AFF2: variants seen among roughly 807,000 people sequenced by gnomAD.
AFF2 encodes AF4/FMR2 family member 2.
A neutral mutation model predicts 76.9 loss-of-function variants in AFF2; 14 were observed. The ratio of observed to expected loss-of-function variants is 0.18; its 90% CI spans 0.12 to 0.28. AFF2 has a LOEUF of 0.28. AFF2 is among the 10% of genes least tolerant of loss of function. The pLI is 1.00. For missense variants in AFF2, 868 were observed against 1,001.1 expected, an observed-to-expected ratio of 0.87 and a Z score of 1.79; for synonymous variants, 398 against 366.7, an observed-to-expected ratio of 1.09 and a Z score of -0.98.
intron 2 of AFF2, among the ~76,000 whole-genome samples, chrX:148,655,582 T>C (rs1385212676): frequency 8.9e-6 from 1 of 111,785 alleles, no homozygotes; most frequent in Middle Eastern, 4.3e-3. Flanking sequence ...GCCAAAACCT[T>C]TGTTCTTAAG....
intron 7 of AFF2, among the ~76,000 whole-genome samples, chrX:148,853,750 G>A (rs1465727273): frequency 8.9e-6 from 1 of 111,873 alleles, no homozygotes; most frequent in African/African-American, 3.3e-5. Context: ...TGCCAATGCT[G>A]TCAGAGAGCG....
intron 7 of AFF2, among the ~76,000 whole-genome samples, chrX:148,855,688 C>A (rs1180801219): frequency 3.6e-5 from 4 of 111,779 alleles, no homozygotes; most frequent in African/African-American, 1.3e-4. Context: ...AAATACAATG[C>A]AGAACTTGAA....
At chrX:148,847,023 C>T (rs1218064497) in intron 7 of AFF2, among the ~76,000 whole-genome samples, 2 of 111,413 alleles carry the variant, frequency 1.8e-5, no homozygotes, top group Non-Finnish European at 3.8e-5. Flanking sequence ...GCCTCAGCCT[C>T]CTGTGTAGCT....
chrX:148,679,274 GAT>G (rs2054521457), intron 3 of AFF2, among the ~76,000 whole-genome samples: 1 of 105,901 alleles, frequency 9.4e-6, no homozygotes, highest in Non-Finnish European at 1.9e-5. Context: ...ATAGCAATCT[GAT>G]AGTAATTTTA....
At chrX:148,618,714 C>G (rs1278735360) in intron 1 of AFF2, among the ~76,000 whole-genome samples, 1 of 111,758 alleles carries the variant, frequency 8.9e-6, no homozygotes, top group Non-Finnish European at 1.9e-5. Context: ...TTCATGTTAG[C>G]TGGGACAGTT....
chrX:148,531,089 G>GA (rs1272055041), intron 1 of AFF2, among the ~76,000 whole-genome samples: 3 of 111,792 alleles, frequency 2.7e-5, no homozygotes, highest in African/African-American at 9.8e-5. Context: ...AAATATATCA[G>GA]AAAAATGAAA....
intron 1 of AFF2, among the ~76,000 whole-genome samples, chrX:148,516,791 G>T (rs1329923842): frequency 1.8e-5 from 2 of 111,662 alleles, no homozygotes; most frequent in African/African-American, 6.5e-5. Context: ...TAAGTCTTGA[G>T]ATGTTGCTCA....
rs151228485 is a variant in AFF2, at chrX:148,991,564, A to G, written c.*232A>G. ...TTTTTTCTTTTAGCATTTGATATGC[A>G]TTTCTCAGATTCCACCATCTTTTTG... On this transcript the variant is annotated 3_prime_UTR_variant, in exon 21 of 21. Transcript: ENST00000370460. 9.2e-3 allele frequency: 2,431 copies of G among 262,860 alleles called. 37 individuals are homozygous for G. The highest frequency in any genetic ancestry group is 0.051 in the African/African-American group (1,803 of 35,532). 21.7% of individuals were successfully genotyped at this position (262,860 alleles called of 1,213,427 possible).
At chrX:148,990,469 A>C (rs2072521277) in intron 20 of AFF2, among the ~76,000 whole-genome samples, 1 of 112,337 alleles carries the variant, frequency 8.9e-6, no homozygotes, top group South Asian at 3.7e-4. Flanking sequence ...GTTTTTAGAG[A>C]TCATATAGTT....
intron 2 of AFF2, among the ~76,000 whole-genome samples, chrX:148,659,546 T>A (rs782392712): frequency 8.9e-6 from 1 of 112,486 alleles, no homozygotes; most frequent in Non-Finnish European, 1.9e-5. Context: ...TGAAATGGTG[T>A]TGTTTTCCCT....
At chrX:148,858,069 T>TA (rs1370343669) in intron 7 of AFF2, among the ~76,000 whole-genome samples, 2 of 111,648 alleles carry the variant, frequency 1.8e-5, no homozygotes, top group Non-Finnish European at 3.8e-5. Flanking sequence ...ACTCTTTTTT[T>TA]AGTCTAATTC....
intron 1 of AFF2, among the ~76,000 whole-genome samples, chrX:148,620,077 A>G (rs1355292752): frequency 9.0e-6 from 1 of 111,567 alleles, no homozygotes; most frequent in Non-Finnish European, 1.9e-5. Context: ...AGATGTAGTC[A>G]GCATTGTCAA....
chrX:148,807,718 T>C (rs1474707822), intron 3 of AFF2, among the ~76,000 whole-genome samples: 2 of 112,751 alleles, frequency 1.8e-5, no homozygotes, highest in African/African-American at 6.4e-5. Context: ...ACAACAATGA[T>C]ATTGAAGATT....
At chrX:148,724,022 G>A (rs781817676) in intron 3 of AFF2, among the ~76,000 whole-genome samples, 21 of 106,326 alleles carry the variant, frequency 2.0e-4, no homozygotes, top group Non-Finnish European at 3.5e-4. Flanking sequence ...ATTGCCAAGC[G>A]TATGCCTGAG....
chrX:148,962,734 G>A lies in AFF2; in HGVS notation c.2710G>A (p.Ala904Thr). 8.3e-7 allele frequency: 1 copy of A among 1,208,155 alleles called. No homozygotes were observed. Among genetic ancestry groups the A allele is most frequent in the East Asian group, 3.0e-5 (1 of 33,797 alleles). Residue 904 changes from alanine (A) to threonine (T), a missense_variant, in exon 13 of 21, where the codon GCA becomes ACA. Around this residue, in one of 6 missense-constraint regions of AFF2, gnomAD observed 532 missense variants for 564.2 expected, o/e 0.94. Transcript: ENST00000370460. ...TCACAGAAATAATTCATCCAGGAGA[G>A]CAAATAGAAGAAAGGAAGAAAAACT... ...NTRENNSSRR[A>T]NRRKEEKLFP...
rs17325354 is a variant in AFF2 at position 148,916,128 on chromosome X, T to A, written c.1397+11870T>A. Among the ~76,000 whole-genome samples, 1,089 of 109,324 alleles carry A rather than the reference T, an allele frequency of 1.0e-2. 14 individuals carry two copies. Among genetic ancestry groups the A allele is most frequent in the African/African-American group, 0.035 (1,038 of 29,856 alleles). The allele number at this position is 109,324 out of a possible 115,157, so 94.9% of individuals were successfully genotyped here. On this transcript the variant is annotated intron_variant, in intron 9 of 20. Coordinates refer to ENST00000370460, the MANE Select transcript of AFF2 (RefSeq NM_002025.4). Reference sequence around the variant, plus strand: ...TGGGAGATCCCCTTGGAGAGTGTGGTCAAACCATGTATGAGGTTCTTCTCC... The same window carrying A: ...TGGGAGATCCCCTTGGAGAGTGTGGACAAACCATGTATGAGGTTCTTCTCC...
intron 9 of AFF2, among the ~76,000 whole-genome samples, chrX:148,914,839 A>C (rs1189793372): frequency 8.9e-6 from 1 of 112,920 alleles, no homozygotes; most frequent in Non-Finnish European, 1.9e-5. Context: ...ACAGACATAA[A>C]ATTTCTTTCT....
At chrX:148,758,151 A>C (rs1188228112) in intron 3 of AFF2, among the ~76,000 whole-genome samples, 1 of 112,642 alleles carries the variant, frequency 8.9e-6, no homozygotes, top group Non-Finnish European at 1.9e-5. Flanking sequence ...GCAAAAGACC[A>C]TGTAAGTAGG....
intron 1 of AFF2, among the ~76,000 whole-genome samples, chrX:148,530,530 A>G (rs1394189975): frequency 1.8e-5 from 2 of 110,619 alleles, no homozygotes; most frequent in African/African-American, 3.3e-5. Flanking sequence ...TCCTCTTTTG[A>G]TATGAATTAA....
Sources: allele counts gnomAD v4.1 joint callset (sites outside exome capture counted in the v4.1 genomes callset), GRCh38; gene constraint gnomAD v4.1.1; regional missense constraint gnomAD v4.1.1; transcripts MANE v1.5; gene names NCBI Gene and HGNC (gene_info 2026-07-23, HGNC 2026-07-21).